Variants in PTPRN2 observed in about 807,000 individuals in gnomAD.
PTPRN2 encodes receptor-type tyrosine-protein phosphatase N2.
In PTPRN2, 74 loss-of-function variants were observed where a neutral mutation model predicts 118.8. That is an observed-to-expected ratio of 0.62 (90% confidence interval 0.52 to 0.76). PTPRN2 has a LOEUF of 0.76. Ranked by LOEUF, PTPRN2 falls within the 30% of genes least tolerant of loss-of-function variation. PTPRN2 has a pLI of 0.00. For synonymous variants in PTPRN2, 641 were observed against 608.0 expected, an observed-to-expected ratio of 1.05 and a Z score of -0.80; for missense variants, 1,481 against 1,394.4, an observed-to-expected ratio of 1.06 and a Z score of -0.99.
intron 3 of PTPRN2, among the ~76,000 whole-genome samples, chr7:158,309,682 A>T (rs1191383979): frequency 6.6e-6 from 1 of 152,224 alleles, no homozygotes; most frequent in Non-Finnish European, 1.5e-5. Context: ...CCAGAAACAT[A>T]TAAAAAGAAT....
intron 6 of PTPRN2, among the ~76,000 whole-genome samples, chr7:158,154,806 G>C (rs1387031576): frequency 6.6e-6 from 1 of 152,166 alleles, no homozygotes; most frequent in Non-Finnish European, 1.5e-5. Context: ...GCTTATGGGA[G>C]AACAGTTAAT....
intron 12 of PTPRN2, among the ~76,000 whole-genome samples, chr7:157,850,168 C>A (rs1809162089): frequency 6.6e-6 from 1 of 152,204 alleles, no homozygotes; most frequent in African/African-American, 2.4e-5. Context: ...ACCAGCATTT[C>A]CAGGCCTTTG....
chr7:158,149,272 A>C (rs897916172), intron 6 of PTPRN2, among the ~76,000 whole-genome samples: 3 of 152,144 alleles, frequency 2.0e-5, no homozygotes, highest in Non-Finnish European at 2.9e-5. Context: ...TTCCAACCAA[A>C]AGACCTCCAA....
At chr7:157,819,629 A>G (rs1779035104) in intron 12 of PTPRN2, among the ~76,000 whole-genome samples, 1 of 151,022 alleles carries the variant, frequency 6.6e-6, no homozygotes, top group South Asian at 2.1e-4. Flanking sequence ...GCCACGGCAC[A>G]GCCCTCCCCA....
At chr7:158,110,316 C>G (rs1816120234) in intron 10 of PTPRN2, among the ~76,000 whole-genome samples, 1 of 152,382 alleles carries the variant, frequency 6.6e-6, no homozygotes, top group South Asian at 2.1e-4. Context: ...TACTCACCCA[C>G]CAGCCCTGCA....
At chr7:158,537,784 A>G (rs1416537726) in intron 1 of PTPRN2, among the ~76,000 whole-genome samples, 1 of 152,134 alleles carries the variant, frequency 6.6e-6, no homozygotes, top group Non-Finnish European at 1.5e-5. Flanking sequence ...AGGCTAAATG[A>G]CCCTTACATT....
At chr7:158,279,647 G>A (rs773150884) in intron 3 of PTPRN2, among the ~76,000 whole-genome samples, 26 of 152,176 alleles carry the variant, frequency 1.7e-4, no homozygotes, top group Non-Finnish European at 2.8e-4. Context: ...CGCTAAGCCC[G>A]TGCCCACCCG....
In PTPRN2 at chr7:158,540,005, G is replaced by A. The variant is rs967872455; in HGVS notation, c.112+47553C>T. 6 of 268,784 alleles carry A rather than the reference G, an allele frequency of 2.2e-5. No individual in the cohort carries two copies. The Admixed American group carries it at 2.6e-4, about 12-fold the overall frequency. The allele number at this position is 268,784 out of a possible 1,614,324, so 16.6% of individuals were successfully genotyped here. A position where few individuals can be genotyped will look rare whatever the true frequency, so the allele number is the denominator to read the frequency against. On this transcript the variant is annotated intron_variant, in intron 1 of 22. Transcript: ENST00000389418. ...ACAGCTGGGGACATACTGTGAGCCTGGAGCTGGTGACGGCTGGGGACATAC... is the reference window on the plus strand; with the variant it reads ...ACAGCTGGGGACATACTGTGAGCCTAGAGCTGGTGACGGCTGGGGACATAC...
At chr7:157,870,467 C>T (rs1047461737) in intron 12 of PTPRN2, among the ~76,000 whole-genome samples, 1 of 152,162 alleles carries the variant, frequency 6.6e-6, no homozygotes, top group African/African-American at 2.4e-5. Flanking sequence ...ACCCATGTTT[C>T]ACCACAATTT....
At position 158,310,871 on chromosome 7, in the gene PTPRN2, T is replaced by A. The variant is rs10228769; in HGVS notation, c.277+5948A>T. ...TCCCACGGAGGGCGAGCCCTGAGCC[T>A]GACAGAGCGCGAGTCACACGGAGGG... On this transcript the variant is annotated intron_variant, in intron 3 of 22. Coordinates refer to ENST00000389418, the MANE Select transcript of PTPRN2 (RefSeq NM_002847.5). Among the ~76,000 whole-genome samples, 13 of 10,242 alleles carry A rather than the reference T, an allele frequency of 1.3e-3. 6 individuals carry two copies. The highest frequency in any genetic ancestry group is 7.8e-3 in the South Asian group (2 of 256). 6.7% of individuals were successfully genotyped at this position (10,242 alleles called of 152,430 possible). A position where few individuals can be genotyped will look rare whatever the true frequency, so the allele number is the denominator to read the frequency against.
intron 3 of PTPRN2, among the ~76,000 whole-genome samples, chr7:158,238,610 C>A (rs1306765485): frequency 6.6e-6 from 1 of 152,124 alleles, no homozygotes; most frequent in African/African-American, 2.4e-5. Flanking sequence ...CTTTCCTTGT[C>A]TTAAACGGGA....
intron 5 of PTPRN2, among the ~76,000 whole-genome samples, chr7:158,188,200 G>A (rs1277202913): frequency 8.7e-5 from 7 of 80,700 alleles, no homozygotes; most frequent in Admixed American, 1.4e-4. Context: ...GGGGAAGGCC[G>A]CCACGCTCGC....
intron 2 of PTPRN2, among the ~76,000 whole-genome samples, chr7:158,413,957 T>C (rs973052981): frequency 6.7e-6 from 1 of 149,954 alleles, no homozygotes; most frequent in Non-Finnish European, 1.5e-5. Flanking sequence ...CTGGTCAACA[T>C]GGAGAAACCG....
At chr7:158,523,447 C>CGGAGTCGTCTGCCCTGGAGT (rs1824394943) in intron 1 of PTPRN2, among the ~76,000 whole-genome samples, 1 of 97,132 alleles carries the variant, frequency 1.0e-5, no homozygotes, top group Non-Finnish European at 2.2e-5. Flanking sequence ...TGCCCTGGAG[C>CGGAGTCGTCTGCCCTGGAGT]GGAGTCGTCT....
rs1824019103 is a variant in PTPRN2, at chr7:158,521,573, C to CGGG, written c.113-31789_113-31788insCCC. ...ATGGTGGACTGTCCAGGTACTGGCT[C>CGGG]AGGGGGGAGGTCCACGTCACAATGG... On this transcript the variant is annotated intron_variant, in intron 1 of 22. Transcript: ENST00000389418. Among the ~76,000 whole-genome samples the CGGG allele has an allele frequency of 5.9e-5, 8 of 134,548 alleles. 1 individual carries two copies. The highest frequency in any genetic ancestry group is 8.3e-5 in the African/African-American group (3 of 36,162). The allele number at this position is 134,548 out of a possible 152,430, so 88.3% of individuals were successfully genotyped here.
At position 157,831,180 on chromosome 7, in the gene PTPRN2, G is replaced by C. The variant is rs1807537522; in HGVS notation, c.1788+67493C>G. On this transcript the variant is annotated intron_variant, in intron 12 of 22. Transcript: ENST00000389418. This position sits in a 1 kb window ranked among gnomAD's most constrained non-coding sequence, Gnocchi z 4.8. ...AGAGGGACTCCTTGCTGTGAGCCCA[G>C]CTGTGGGGAGGAACTGCTCGGGCCC... 6.6e-6 allele frequency among the ~76,000 whole-genome samples: 1 copy of C among 152,230 alleles called. No homozygotes were observed. The highest frequency in any genetic ancestry group is 2.4e-5 in the African/African-American group (1 of 41,458).
At chr7:157,918,062 TC>T (rs1448233881) in intron 11 of PTPRN2, among the ~76,000 whole-genome samples, 4 of 152,168 alleles carry the variant, frequency 2.6e-5, no homozygotes, top group Non-Finnish European at 5.9e-5. Flanking sequence ...AAAAGATTCT[TC>T]CTGGACGCAC....
chr7:158,549,918 C>A (rs1391982561), intron 1 of PTPRN2, among the ~76,000 whole-genome samples: 12 of 152,224 alleles, frequency 7.9e-5, no homozygotes, highest in Non-Finnish European at 1.5e-5. Context: ...CGTGACCTCA[C>A]TAGACCCAGC....
chr7:158,166,133 C>T (rs1326112183), intron 6 of PTPRN2, among the ~76,000 whole-genome samples: 1 of 150,742 alleles, frequency 6.6e-6, no homozygotes, highest in East Asian at 1.9e-4. Context: ...AGCCATGTTG[C>T]CCGCCCCATC....
Sources: gnomAD v4.1 joint callset for allele counts (sites outside exome capture counted in the v4.1 genomes callset) on GRCh38, gnomAD v4.1.1 for gene constraint, Gnocchi (gnomAD v3.1) non-coding constraint, MANE v1.5 for transcripts, NCBI Gene and HGNC (gene_info 2026-07-23, HGNC 2026-07-21) for gene names.